KDELR1: variants seen among roughly 807,000 people sequenced by gnomAD.
KDELR1 encodes the protein KDEL endoplasmic reticulum protein retention receptor 1.
KDELR1 carries 16 observed loss-of-function variants against 25.5 expected under a neutral mutation model. That is an observed-to-expected ratio of 0.63 (90% confidence interval 0.43 to 0.95). The LOEUF (loss-of-function observed/expected upper bound fraction) is 0.95, where lower values mean the gene tolerates loss of function less well. Ranked by LOEUF, KDELR1 falls within the 40% of genes least tolerant of loss-of-function variation. The pLI, the probability that KDELR1 is intolerant of heterozygous loss-of-function variation, is 0.00. For missense variants in KDELR1, 159 were observed against 265.2 expected (o/e 0.60, Z 2.78); for synonymous variants, 121 against 115.0 (o/e 1.05, Z -0.33).
upstream of KDELR1, among the ~76,000 whole-genome samples, chr19:48,392,420 AG>A (rs1970569471): frequency 6.8e-6 from 1 of 147,334 alleles, no homozygotes; most frequent in East Asian, 2.0e-4. Flanking sequence ...CCTCAGACCC[AG>A]GGGTCCAGGG....
chr19:48,383,547 G>C (rs934543902), intron 4 of KDELR1, among the ~76,000 whole-genome samples: 8 of 152,120 alleles, frequency 5.3e-5, no homozygotes, highest in African/African-American at 1.9e-4. Flanking sequence ...GTCCCACTCT[G>C]TAGCCCAGGC....
upstream of KDELR1, among the ~76,000 whole-genome samples, chr19:48,396,405 G>T (rs867015865): frequency 2.0e-5 from 3 of 152,064 alleles, no homozygotes; most frequent in African/African-American, 4.8e-5. Context: ...GGAGTGGGAC[G>T]CGGGGTCCCT....
chr19:48,387,064 TAAAAAAA>T (rs35835908), intron 3 of KDELR1, among the ~76,000 whole-genome samples: 18 of 116,180 alleles, frequency 1.5e-4, no homozygotes, highest in Non-Finnish European at 3.0e-4. Context: ...CAGCAAGACT[TAAAAAAA>T]AAAAAAAAAA....
chr19:48,383,330 G>A lies in KDELR1; in HGVS notation c.605-3C>T. On this transcript the variant is annotated splice_polypyrimidine_tract_variant and splice_region_variant and intron_variant, in intron 4 of 4. Transcript: ENST00000330720. The stretch of plus-strand genomic sequence containing the variant: ...ACTCAACTTCTTCCCCTTTAGGACT[G>A]TGAGGAGAGAAAACAGGGAGGGCAT... 6.4e-7 allele frequency: 1 copy of A among 1,552,004 alleles called. No homozygotes were observed. Among genetic ancestry groups the A allele is most frequent in the Non-Finnish European group, 8.7e-7 (1 of 1,147,166 alleles).
chr19:48,388,804 A>AAAGG (rs1354100322), intron 3 of KDELR1, among the ~76,000 whole-genome samples: 1 of 150,724 alleles, frequency 6.6e-6, no homozygotes, highest in African/African-American at 2.4e-5. Context: ...AAAGAGAAAG[A>AAAGG]AAGGAAGGAA....
Position 48,391,383 on chromosome 19 carries a change from AGCGGGAGGGAGGCAGGCTG to A in KDELR1, c.-44_-26del. The A allele has an allele frequency of 6.5e-7, 1 of 1,538,012 alleles. No homozygotes were observed. Among genetic ancestry groups the A allele is most frequent in the East Asian group, 2.4e-5 (1 of 40,820 alleles). On this transcript the variant is annotated 5_prime_UTR_variant, in exon 1 of 5. Transcript: ENST00000330720. ...TGGCTGGGGAACCCTGGCAGGGCTG[AGCGGGAGGGAGGCAGGCTG>A]GCGGGGGGGTGCCCCCCGAGGCTGC...
chr19:48,389,150 T>C (rs1291839649), intron 3 of KDELR1, among the ~76,000 whole-genome samples: 1 of 151,878 alleles, frequency 6.6e-6, no homozygotes, highest in Admixed American at 6.6e-5. Flanking sequence ...TGCACCTGTC[T>C]TCCCAACTAC....
upstream of KDELR1, among the ~76,000 whole-genome samples, chr19:48,395,571 T>C (rs1314744134): frequency 6.6e-6 from 1 of 151,712 alleles, no homozygotes; most frequent in East Asian, 1.9e-4. Context: ...TGGGGGGAGC[T>C]GTTGATCGAA....
Position 48,384,147 on chromosome 19 carries a change from G to T in KDELR1, c.604+83C>A. The T allele has an allele frequency of 6.5e-7, 1 of 1,534,558 alleles. No individual in the cohort carries two copies. Among genetic ancestry groups the T allele is most frequent in the Non-Finnish European group, 8.9e-7 (1 of 1,121,464 alleles). ...ATGCTCCCTTCTTTGCATAATACAG[G>T]GGTAAGGAGACCCCAGTCCCCAGGG... On this transcript the variant is annotated intron_variant, in intron 4 of 4. Transcript: ENST00000330720. The surrounding 1 kb of genome is among the most constrained non-coding windows in gnomAD (Gnocchi z 4.6).
Position 48,384,306 on chromosome 19 carries a change from G to C in KDELR1, c.528C>G (p.Phe176Leu). ...GGCCTGCCACAATGGCGATGAGGTC[G>C]AAGAAGCCCTCGAAATGGTAGCGCC... ...WIWRYHFEGFFDLIAIVAGLV... is the reference protein window; with the variant it reads ...WIWRYHFEGFLDLIAIVAGLV... Residue 176 changes from phenylalanine to leucine, a missense_variant, in exon 4 of 5, where the codon TTC (phenylalanine) becomes TTG (leucine). Phe to Leu is a conservative substitution (Grantham distance 22). Transcript: ENST00000330720. The surrounding 1 kb of genome is among the most constrained non-coding windows in gnomAD (Gnocchi z 4.6). 6.2e-7 allele frequency: 1 copy of C among 1,614,228 alleles called. No homozygotes were observed.
At chr19:48,388,671 C>A (rs28630587) in intron 3 of KDELR1, among the ~76,000 whole-genome samples, 46 of 145,364 alleles carry the variant, frequency 3.2e-4, no homozygotes, top group Middle Eastern at 3.7e-3. Context: ...GGCAACCGAG[C>A]GAGACTTTGT....
At position 48,384,640 on chromosome 19, in the gene KDELR1, C is replaced by T. The variant is rs1014044662; in HGVS notation, c.352-158G>A. Among the ~76,000 whole-genome samples the T allele has an allele frequency of 7.2e-5, 11 of 152,102 alleles. No homozygotes were observed. The highest frequency in any genetic ancestry group is 1.3e-4 in the Non-Finnish European group (9 of 68,028). On this transcript the variant is annotated intron_variant, in intron 3 of 4. Coordinates refer to ENST00000330720, the MANE Select transcript of KDELR1 (RefSeq NM_006801.3). The surrounding 1 kb of genome is among the most constrained non-coding windows in gnomAD (Gnocchi z 4.6). ...CACAGTTCTGCCCGAGTTACTGGTA[C>T]CTCTGATTTAATCATCACCATGGCC...
chr19:48,385,085 C>T (rs2147419610), intron 3 of KDELR1, among the ~76,000 whole-genome samples: 1 of 152,234 alleles, frequency 6.6e-6, no homozygotes, highest in Middle Eastern at 3.4e-3. Context: ...CAGGGTTTTG[C>T]CTTGTTGGCC....
intron 3 of KDELR1, among the ~76,000 whole-genome samples, chr19:48,385,393 A>G (rs1265327766): frequency 5.3e-5 from 8 of 152,164 alleles, no homozygotes; most frequent in African/African-American, 1.7e-4. Flanking sequence ...CGCACCAGCA[A>G]TTGAGCTCTG....
At position 48,388,372 on chromosome 19, in the gene KDELR1, G is replaced by A. The variant is rs745349756; in HGVS notation, c.351+1181C>T. 4.7e-4 allele frequency among the ~76,000 whole-genome samples: 71 copies of A among 152,104 alleles called. 1 individual carries two copies. The highest frequency in any genetic ancestry group is 7.8e-4 in the Non-Finnish European group (53 of 68,018). On this transcript the variant is annotated intron_variant, in intron 3 of 4. Transcript: ENST00000330720. ...TACAGAGAGGTCAAGTCACATGCAC[G>A]GGATCATGCTAATAGAAACTAGCAG...
At chr19:48,395,377 G>A (rs537374656), upstream of KDELR1, among the ~76,000 whole-genome samples, 1 of 151,840 alleles carries the variant, frequency 6.6e-6, no homozygotes, top group South Asian at 2.1e-4. Flanking sequence ...CAAGGACCTT[G>A]AGGGCATCCA....
chr19:48,387,062 C>CT (rs1171263415), intron 3 of KDELR1, among the ~76,000 whole-genome samples: 1 of 103,192 alleles, frequency 9.7e-6, no homozygotes, highest in African/African-American at 3.8e-5. Context: ...CACAGCAAGA[C>CT]TTAAAAAAAA....
chr19:48,384,510 G>A lies in KDELR1; in HGVS notation c.352-28C>T, dbSNP rs1970479783. ...GCAGAGAGGCCGGGGACATGATGAGGTGGGAGGGGACAGGGCGGGAGAAAA... is the reference window on the plus strand; with the variant it reads ...GCAGAGAGGCCGGGGACATGATGAGATGGGAGGGGACAGGGCGGGAGAAAA... On this transcript the variant is annotated intron_variant, in intron 3 of 4. Coordinates refer to ENST00000330720, the MANE Select transcript of KDELR1 (RefSeq NM_006801.3). The surrounding 1 kb of genome is among the most constrained non-coding windows in gnomAD (Gnocchi z 4.6). The A allele has an allele frequency of 6.2e-6, 10 of 1,604,812 alleles. No homozygotes were observed. Among genetic ancestry groups the A allele is most frequent in the African/African-American group, 1.3e-5 (1 of 74,798 alleles).
intron 3 of KDELR1, among the ~76,000 whole-genome samples, chr19:48,385,712 T>C (rs1454248097): frequency 6.6e-6 from 1 of 152,200 alleles, no homozygotes; most frequent in African/African-American, 2.4e-5. Context: ...GGCTCCTTGG[T>C]TGTCTTGGTT....
Sources: allele counts gnomAD v4.1 joint callset (sites outside exome capture counted in the v4.1 genomes callset), GRCh38; gene constraint gnomAD v4.1.1; non-coding constraint Gnocchi (gnomAD v3.1); transcripts MANE v1.5; gene names NCBI Gene and HGNC (gene_info 2026-07-23, HGNC 2026-07-21).